IL7: variants seen among roughly 807,000 people sequenced by gnomAD.
The protein encoded by IL7 is interleukin 7.
In IL7, 3 loss-of-function variants were observed where a neutral mutation model predicts 21.6. The observed-to-expected ratio is 0.14, with a 90% confidence interval of 0.06 to 0.36. The LOEUF (loss-of-function observed/expected upper bound fraction) is 0.36, where lower values mean the gene tolerates loss of function less well. IL7 is among the 10% of genes least tolerant of loss of function. The pLI is 1.00. For synonymous variants in IL7, 62 were observed against 68.1 expected (o/e 0.91, Z 0.44); for missense variants, 175 against 200.2 (o/e 0.87, Z 0.76).
chr8:78,795,809 AT>A (rs1042414564), intron 2 of IL7, among the ~76,000 whole-genome samples: 342 of 151,898 alleles, frequency 2.3e-3, no homozygotes, highest in African/African-American at 7.8e-3. Flanking sequence ...ACTGTGCACT[AT>A]TTTTTTTCTT....
intron 4 of IL7, among the ~76,000 whole-genome samples, chr8:78,736,960 G>A (rs372340534): frequency 1.3e-5 from 2 of 152,070 alleles, no homozygotes; most frequent in Non-Finnish European, 2.9e-5. Flanking sequence ...AGCTTGTAGC[G>A]TGCCTGGCTC....
chr8:78,772,882 G>C (rs1010609744), intron 2 of IL7, among the ~76,000 whole-genome samples: 2 of 152,172 alleles, frequency 1.3e-5, no homozygotes, highest in Non-Finnish European at 2.9e-5. Context: ...AGCTAAAACT[G>C]TCAGGAGCAC....
chr8:78,787,181 C>A lies in IL7; in HGVS notation c.147+10891G>T, dbSNP rs530819616. Among the ~76,000 whole-genome samples the A allele has an allele frequency of 1.4e-4, 21 of 152,230 alleles. No individual in the cohort carries two copies. In the South Asian group the frequency reaches 4.4e-3, roughly 32 times the overall value. On this transcript the variant is annotated intron_variant, in intron 2 of 5. Coordinates refer to ENST00000263851, the MANE Select transcript of IL7 (RefSeq NM_000880.4). ...TAGCAAATTAGTTAAACCCAAGGAG[C>A]AGGTTGTGGGATCCCCATTGTACAG...
At chr8:78,786,277 A>G (rs1813507127) in intron 2 of IL7, among the ~76,000 whole-genome samples, 1 of 152,214 alleles carries the variant, frequency 6.6e-6, no homozygotes. Flanking sequence ...AGCATGCACT[A>G]AATAGATAAT....
At chr8:78,704,460 AG>A (rs1394300343) in intron 3 of IL7, among the ~76,000 whole-genome samples, 3 of 150,726 alleles carry the variant, frequency 2.0e-5, no homozygotes, top group Non-Finnish European at 3.0e-5. Flanking sequence ...TTCCACTGAG[AG>A]GTCTGCTGTT....
At chr8:78,787,297 A>G (rs568910782) in intron 2 of IL7, among the ~76,000 whole-genome samples, 98 of 152,232 alleles carry the variant, frequency 6.4e-4, no homozygotes, top group Non-Finnish European at 1.2e-3. Flanking sequence ...TCATGAAGAC[A>G]GCCTCAACCT....
chr8:78,709,791 A>G (rs1316607317), intron 3 of IL7, among the ~76,000 whole-genome samples: 3 of 152,168 alleles, frequency 2.0e-5, no homozygotes, highest in African/African-American at 7.2e-5. Context: ...ATTCAAAGCC[A>G]TCTTGGGTGG....
At chr8:78,749,186 G>A (rs1008595674) in intron 2 of IL7, among the ~76,000 whole-genome samples, 4 of 151,992 alleles carry the variant, frequency 2.6e-5, no homozygotes, top group Non-Finnish European at 2.9e-5. Context: ...TTATGTACTC[G>A]TGTATATTTT....
At chr8:78,786,667 C>T (rs1298328471) in intron 2 of IL7, among the ~76,000 whole-genome samples, 1 of 152,176 alleles carries the variant, frequency 6.6e-6, no homozygotes, top group African/African-American at 2.4e-5. Context: ...TGCAGTCCCT[C>T]ATTGACTGAA....
At chr8:78,698,397 T>A (rs1040699106) in intron 3 of IL7, 3 of 1,591,702 alleles carry the variant, frequency 1.9e-6, no homozygotes, top group Non-Finnish European at 2.6e-6. Context: ...TTAAAAATAA[T>A]GCTTTTTTAT....
chr8:78,730,809 A>C (rs1311449710), downstream of IL7, among the ~76,000 whole-genome samples: 2 of 152,006 alleles, frequency 1.3e-5, no homozygotes, highest in Non-Finnish European at 2.9e-5. Flanking sequence ...AAGATAAAGT[A>C]CTAAGATGAA....
intron 2 of IL7, among the ~76,000 whole-genome samples, chr8:78,749,276 A>G (rs1301339347): frequency 3.9e-5 from 6 of 152,104 alleles, no homozygotes; most frequent in Admixed American, 3.9e-4. Flanking sequence ...ATAATACTTA[A>G]TACTATATAA....
At chr8:78,724,529 T>G (rs557226982) in intron 3 of IL7, among the ~76,000 whole-genome samples, 1 of 64,200 alleles carries the variant, frequency 1.6e-5, no homozygotes, top group South Asian at 5.3e-4. Context: ...TTATATTTCT[T>G]ATAGGGAAAA....
At chr8:78,694,846 A>G (rs2130529634) in intron 3 of IL7, among the ~76,000 whole-genome samples, 1 of 152,354 alleles carries the variant, frequency 6.6e-6, no homozygotes, top group South Asian at 2.1e-4. Context: ...GAATGAAAGA[A>G]ATACGTTGAA....
At chr8:78,778,434 A>G (rs1204528393) in intron 2 of IL7, among the ~76,000 whole-genome samples, 1 of 152,124 alleles carries the variant, frequency 6.6e-6, no homozygotes, top group Admixed American at 6.6e-5. Flanking sequence ...ACAGATTACT[A>G]TTAGCAGATG....
chr8:78,684,167 C>T (rs568847059), intron 4 of IL7, among the ~76,000 whole-genome samples: 1 of 152,290 alleles, frequency 6.6e-6, no homozygotes, highest in Non-Finnish European at 1.5e-5. Flanking sequence ...ATAGCAGTAC[C>T]CCACTCCACC....
At chr8:78,801,319 A>T (rs115773743) in intron 1 of IL7, among the ~76,000 whole-genome samples, 15,541 of 152,168 alleles carry the variant, frequency 0.1, 857 homozygotes, top group Middle Eastern at 0.14. Context: ...CCCTTTGTCT[A>T]TGCCATTTCT....
intron 2 of IL7, chr8:78,762,003 C>T: frequency 6.2e-7 from 1 of 1,602,518 alleles, no homozygotes; most frequent in Non-Finnish European, 8.5e-7. Context: ...CCCTCTTCTT[C>T]GCTGGGGTTC....
At chr8:78,677,993 A>G (rs1809637651) in intron 4 of IL7, among the ~76,000 whole-genome samples, 2 of 152,146 alleles carry the variant, frequency 1.3e-5, no homozygotes, top group East Asian at 1.9e-4. Flanking sequence ...TGATGTTGCC[A>G]TGGCATTTGC....
Sources: gnomAD v4.1 joint callset for allele counts (sites outside exome capture counted in the v4.1 genomes callset) on GRCh38, gnomAD v4.1.1 for gene constraint, MANE v1.5 for transcripts, NCBI Gene and HGNC (gene_info 2026-07-23, HGNC 2026-07-21) for gene names.